The following CEP128 variants were observed in gnomAD, a reference collection of about 807,000 sequenced individuals.
CEP128 encodes centrosomal protein 128.
A neutral mutation model predicts 156.7 loss-of-function variants in CEP128; 132 were observed. That is an observed-to-expected ratio of 0.84 (90% CI 0.73 to 0.97). CEP128 has a LOEUF of 0.97. Ranked by LOEUF, CEP128 falls within the 50% of genes least tolerant of loss-of-function variation. The pLI, the probability that CEP128 is intolerant of heterozygous loss-of-function variation, is 0.00. For synonymous variants in CEP128, 469 were observed against 448.9 expected (o/e 1.04, Z -0.57); for missense variants, 1,252 against 1,281.9 (o/e 0.98, Z 0.36).
At chr14:80,570,396 G>A (rs532653381) in intron 20 of CEP128, among the ~76,000 whole-genome samples, 28 of 152,238 alleles carry the variant, frequency 1.8e-4, no homozygotes, top group African/African-American at 6.3e-4. Flanking sequence ...GATTACAGGC[G>A]TGAGTCATCG....
chr14:80,686,182 T>C (rs1003393304), intron 19 of CEP128, among the ~76,000 whole-genome samples: 8 of 152,040 alleles, frequency 5.3e-5, no homozygotes, highest in African/African-American at 1.9e-4. Context: ...TGGGAGAAGA[T>C]ATTTGCAAAC....
At chr14:80,529,914 A>T (rs1469102055) in intron 22 of CEP128, among the ~76,000 whole-genome samples, 1 of 152,248 alleles carries the variant, frequency 6.6e-6, no homozygotes, top group East Asian at 1.9e-4. Flanking sequence ...ATTTTAAGAC[A>T]GTGTAGACCT....
intron 8 of CEP128, among the ~76,000 whole-genome samples, chr14:80,887,607 T>C (rs1211199740): frequency 6.6e-6 from 1 of 152,150 alleles, no homozygotes; most frequent in Non-Finnish European, 1.5e-5. Flanking sequence ...CGTACCAGAA[T>C]GTCTGGGATA....
intron 8 of CEP128, among the ~76,000 whole-genome samples, chr14:80,865,010 A>G (rs551568054): frequency 8.1e-4 from 123 of 152,290 alleles, no homozygotes; most frequent in Non-Finnish European, 1.3e-3. Context: ...CATTTTGTAC[A>G]TTAGCTCTCT....
chr14:80,943,653 C>G (rs1886254562), upstream of CEP128, among the ~76,000 whole-genome samples: 1 of 152,150 alleles, frequency 6.6e-6, no homozygotes, highest in South Asian at 2.1e-4. Flanking sequence ...AGCTGTTTGT[C>G]AGCTTTGGTG....
intron 12 of CEP128, among the ~76,000 whole-genome samples, chr14:80,834,806 GT>G (rs1477957855): frequency 6.6e-6 from 1 of 152,148 alleles, no homozygotes; most frequent in East Asian, 1.9e-4. Flanking sequence ...GATATTCTGG[GT>G]CAAATGATAC....
intron 18 of CEP128, among the ~76,000 whole-genome samples, chr14:80,750,340 C>T (rs1475171875): frequency 6.6e-6 from 1 of 152,140 alleles, no homozygotes; most frequent in Non-Finnish European, 1.5e-5. Flanking sequence ...CTAATGTAGT[C>T]AGGTCCATGG....
intron 23 of CEP128, among the ~76,000 whole-genome samples, chr14:80,518,982 G>A (rs909496749): frequency 6.6e-6 from 1 of 152,140 alleles, no homozygotes. Flanking sequence ...TTCTATAAAA[G>A]TAAATTTTAT....
intron 19 of CEP128, among the ~76,000 whole-genome samples, chr14:80,685,685 T>C (rs1336235058): frequency 6.6e-6 from 1 of 151,954 alleles, no homozygotes; most frequent in East Asian, 1.9e-4. Flanking sequence ...AAGCTGGAGA[T>C]AGCACATCAC....
intron 19 of CEP128, among the ~76,000 whole-genome samples, chr14:80,657,401 C>T (rs1895221855): frequency 6.6e-6 from 1 of 152,036 alleles, no homozygotes. Context: ...CTTGTAATCC[C>T]AGCCCTTTGG....
At chr14:80,685,301 C>T (rs1044695022) in intron 19 of CEP128, among the ~76,000 whole-genome samples, 3 of 151,754 alleles carry the variant, frequency 2.0e-5, no homozygotes, top group Non-Finnish European at 4.4e-5. Flanking sequence ...TATAATGCAA[C>T]AATATTCAAG....
intron 19 of CEP128, among the ~76,000 whole-genome samples, chr14:80,741,694 T>C (rs1898839352): frequency 6.6e-6 from 1 of 152,174 alleles, no homozygotes; most frequent in Admixed American, 6.6e-5. Flanking sequence ...CTGTCATATT[T>C]CACTTATAGA....
intron 19 of CEP128, among the ~76,000 whole-genome samples, chr14:80,694,392 A>T (rs1450618302): frequency 2.0e-5 from 3 of 152,220 alleles, no homozygotes; most frequent in African/African-American, 7.2e-5. Flanking sequence ...CACAAATCCC[A>T]TTATTGGGTA....
chr14:80,585,744 T>A (rs1180720345), intron 19 of CEP128, among the ~76,000 whole-genome samples: 1 of 152,226 alleles, frequency 6.6e-6, no homozygotes, highest in Non-Finnish European at 1.5e-5. Flanking sequence ...AGTGTTACTC[T>A]GTGTGTCTCG....
intron 19 of CEP128, among the ~76,000 whole-genome samples, chr14:80,612,106 G>A (rs181778168): frequency 1.7e-4 from 26 of 152,124 alleles, no homozygotes; most frequent in African/African-American, 4.6e-4. Flanking sequence ...ATGAGTACCC[G>A]GTAATAGGAC....
chr14:80,857,674 G>A (rs752276426), intron 9 of CEP128, among the ~76,000 whole-genome samples: 4 of 150,894 alleles, frequency 2.7e-5, no homozygotes, highest in Admixed American at 6.6e-5. Context: ...CCAGGAATTC[G>A]AGGCTGTAGT....
intron 19 of CEP128, among the ~76,000 whole-genome samples, chr14:80,615,354 G>A (rs555754343): frequency 2.6e-5 from 4 of 152,180 alleles, no homozygotes; most frequent in African/African-American, 9.7e-5. Flanking sequence ...TGACCCTCTT[G>A]GCTAGCCAGG....
intron 19 of CEP128, among the ~76,000 whole-genome samples, chr14:80,588,818 T>C (rs914061040): frequency 6.6e-6 from 1 of 152,120 alleles, no homozygotes; most frequent in African/African-American, 2.4e-5. Flanking sequence ...AAAAAAAGCA[T>C]GGGACTTTCA....
At chr14:80,955,908 G>A in intron 2 of CEP128, 2 of 1,610,130 alleles carry the variant, frequency 1.2e-6, no homozygotes, top group Non-Finnish European at 1.7e-6. Flanking sequence ...CTGCAGAGGT[G>A]GCCCGAAGTG....
Sources: gnomAD v4.1 joint callset for allele counts (sites outside exome capture counted in the v4.1 genomes callset) on GRCh38, gnomAD v4.1.1 for gene constraint, MANE v1.5 for transcripts, NCBI Gene and HGNC (gene_info 2026-07-23, HGNC 2026-07-21) for gene names.